Variants in TENM2 observed in about 807,000 individuals in gnomAD.
The protein encoded by TENM2 is teneurin transmembrane protein 2, also known as teneurin-2.
TENM2 carries 52 observed loss-of-function variants against 245.2 expected under a neutral mutation model. That is an observed-to-expected ratio of 0.21 (90% confidence interval 0.17 to 0.27). The LOEUF is 0.27. TENM2 is among the 10% of genes least tolerant of loss of function. The pLI is 1.00. For missense variants in TENM2, 3,046 were observed against 3,666.8 expected, an observed-to-expected ratio of 0.83 and a Z score of 4.37; for synonymous variants, 1,363 against 1,438.9, an observed-to-expected ratio of 0.95 and a Z score of 1.19.
chr5:167,712,191 C>G (rs557801248), intron 2 of TENM2, among the ~76,000 whole-genome samples: 13 of 152,150 alleles, frequency 8.5e-5, no homozygotes, highest in African/African-American at 3.1e-4. Context: ...TAGTGAATTA[C>G]TGGATAAAAA....
intron 2 of TENM2, among the ~76,000 whole-genome samples, chr5:167,515,567 A>G (rs147178525): frequency 0.013 from 1,992 of 147,652 alleles, 44 homozygotes; most frequent in African/African-American, 0.048. Flanking sequence ...GCTTAATGTC[A>G]ATTGAAGAAG....
At chr5:167,558,559 A>G (rs1204110432) in intron 2 of TENM2, among the ~76,000 whole-genome samples, 1 of 152,152 alleles carries the variant, frequency 6.6e-6, no homozygotes, top group East Asian at 1.9e-4. Context: ...GCATAGGAGC[A>G]TGAACCCCAT....
chr5:167,138,418 TACATAAAAGGCA>T, the TENM2 span, among the ~76,000 whole-genome samples: 9 of 152,162 alleles, frequency 5.9e-5, no homozygotes, highest in South Asian at 2.1e-4. Context: ...ACAGGACACC[TACATAAAAGGCA>T]ACATAAAAGG....
intron 2 of TENM2, among the ~76,000 whole-genome samples, chr5:167,618,228 T>C (rs1257181926): frequency 6.6e-6 from 1 of 152,112 alleles, no homozygotes; most frequent in African/African-American, 2.4e-5. Context: ...AGCTTAGAGT[T>C]GAGCAGAACC....
chr5:167,216,223 C>T, the TENM2 span, among the ~76,000 whole-genome samples: 1 of 152,218 alleles, frequency 6.6e-6, no homozygotes, highest in Non-Finnish European at 1.5e-5. Context: ...CCAGGCCAGC[C>T]TTGCTTCCAC....
intron 2 of TENM2, among the ~76,000 whole-genome samples, chr5:167,646,414 T>C (rs1779972151): frequency 6.6e-6 from 1 of 151,720 alleles, no homozygotes; most frequent in African/African-American, 2.4e-5. Context: ...TGAAAGATGT[T>C]ATTAAATACT....
intron 1 of TENM2, among the ~76,000 whole-genome samples, chr5:167,306,966 A>G (rs965700988): frequency 1.3e-5 from 2 of 152,200 alleles, no homozygotes; most frequent in African/African-American, 4.8e-5. Context: ...GGTAACTTGT[A>G]TGAAAGGGCT....
the TENM2 span, among the ~76,000 whole-genome samples, chr5:167,153,120 C>G: frequency 1.3e-5 from 2 of 151,190 alleles, no homozygotes; most frequent in African/African-American, 4.9e-5. Context: ...CACACACACA[C>G]AGATACACAT....
rs750373601 is a variant in TENM2 at position 168,246,917 on chromosome 5, A to G, written c.5978A>G (p.Asn1993Ser). 38 of 1,613,914 alleles carry G rather than the reference A, an allele frequency of 2.4e-5. No individual in the cohort carries two copies. The Admixed American group carries it at 2.7e-4, about 11-fold the overall frequency. The change falls in exon 27 of 29, where the codon AAT becomes AGT. Residue 1993 changes from asparagine (N) to serine (S), a missense_variant. By Grantham distance (46) the Asn-to-Ser change is conservative (BLOSUM62 1). Coordinates refer to ENST00000518659, the Ensembl canonical transcript of TENM2. ...AATATTTACAACCCGCCTGAAAGCA[A>G]TGCTTCGGTCATCTTTGACTACAGT...
At chr5:167,934,975 G>T in intron 3 of TENM2, 1 of 944,406 alleles carries the variant, frequency 1.1e-6, no homozygotes, top group Non-Finnish European at 1.3e-6. Context: ...AAAGAAAGGG[G>T]GTGGGAAAGA....
At chr5:167,940,608 G>A (rs931017233) in intron 3 of TENM2, among the ~76,000 whole-genome samples, 1 of 152,166 alleles carries the variant, frequency 6.6e-6, no homozygotes, top group African/African-American at 2.4e-5. Context: ...GTCTCAAATA[G>A]GAGCCTGCTT....
rs563996504 is a variant in TENM2, at chr5:167,929,246, G to A, written c.713-23342G>A. Among the ~76,000 whole-genome samples the A allele has an allele frequency of 1.4e-3, 212 of 147,140 alleles. 1 individual carries two copies. Among genetic ancestry groups the A allele is most frequent in the African/African-American group, 5.2e-3 (206 of 39,590 alleles). On this transcript the variant is annotated intron_variant, in intron 3 of 28. Coordinates refer to ENST00000518659, the Ensembl canonical transcript of TENM2. ...GGGATGGAGGGAGGAAGGCAGGCAGGCAGGAAGAAAGGAAGGAAGGAAGGG... is the reference window on the plus strand; with the variant it reads ...GGGATGGAGGGAGGAAGGCAGGCAGACAGGAAGAAAGGAAGGAAGGAAGGG...
At chr5:168,101,104 T>C (rs986396976) in intron 9 of TENM2, among the ~76,000 whole-genome samples, 1 of 151,998 alleles carries the variant, frequency 6.6e-6, no homozygotes, top group Non-Finnish European at 1.5e-5. Context: ...TCCCTCAGGC[T>C]CTGAGGGTCA....
intron 2 of TENM2, among the ~76,000 whole-genome samples, chr5:167,788,890 A>G (rs1367058773): frequency 6.6e-6 from 1 of 152,152 alleles, no homozygotes; most frequent in East Asian, 1.9e-4. Flanking sequence ...CCCTTCCTAG[A>G]TGCAGGTACT....
the TENM2 span, among the ~76,000 whole-genome samples, chr5:167,188,499 A>G: frequency 6.6e-6 from 1 of 152,190 alleles, no homozygotes; most frequent in Non-Finnish European, 1.5e-5. Context: ...CTAAAATTAT[A>G]GGAAACCCTT....
At chr5:167,926,765 A>AC (rs1561942518) in intron 3 of TENM2, among the ~76,000 whole-genome samples, 5 of 128,690 alleles carry the variant, frequency 3.9e-5, no homozygotes, top group Admixed American at 7.8e-5. Context: ...CACACACACA[A>AC]GACCTTAGTG....
chr5:167,474,653 T>C (rs1446418826), intron 2 of TENM2, among the ~76,000 whole-genome samples: 1 of 152,094 alleles, frequency 6.6e-6, no homozygotes, highest in African/African-American at 2.4e-5. Context: ...TAGCTGGGAT[T>C]ACAGGCGCTC....
At chr5:167,729,830 G>A (rs1760290159) in intron 2 of TENM2, among the ~76,000 whole-genome samples, 1 of 152,154 alleles carries the variant, frequency 6.6e-6, no homozygotes. Context: ...TCATTTTCTA[G>A]CTGGCAATAA....
chr5:167,692,835 A>G (rs1399487864), intron 2 of TENM2, among the ~76,000 whole-genome samples: 1 of 152,188 alleles, frequency 6.6e-6, no homozygotes, highest in Non-Finnish European at 1.5e-5. Flanking sequence ...AATGCACAGT[A>G]GAATTGTGGC....
Sources: gnomAD v4.1 joint callset for allele counts (sites outside exome capture counted in the v4.1 genomes callset) on GRCh38, gnomAD v4.1.1 for gene constraint, MANE v1.5 for transcripts, NCBI Gene and HGNC (gene_info 2026-07-23, HGNC 2026-07-21) for gene names.